The following PHF21A variants were observed in gnomAD, a reference collection of about 807,000 sequenced individuals.
PHF21A encodes PHD finger protein 21A.
In PHF21A, 11 loss-of-function variants were observed where a neutral mutation model predicts 82.5. That is an observed-to-expected ratio of 0.13 (90% confidence interval 0.08 to 0.22). The LOEUF is 0.22. Among genes scored for constraint, PHF21A ranks in the 10% least tolerant of loss-of-function variants. PHF21A has a pLI of 1.00. For synonymous variants in PHF21A, 297 were observed against 302.8 expected (o/e 0.98, Z 0.20); for missense variants, 579 against 837.8 (o/e 0.69, Z 3.81).
rs118115357 is a variant in PHF21A at position 45,938,457 on chromosome 11, T to C, written c.1453-145A>G. On this transcript the variant is annotated intron_variant, in intron 15 of 18. Transcript: ENST00000676320. ...ACTCAAGAGAAGCAGGAATCACCAA[T>C]AGCACATGCCCCTACTCACTCCACA... is the stretch of plus-strand genomic sequence containing the variant. The C allele has an allele frequency of 2.7e-3, 1,777 of 654,120 alleles. 52 individuals carry two copies. In the East Asian group the frequency reaches 0.043, roughly 16 times the overall value. The allele number at this position is 654,120 out of a possible 1,614,324, so 40.5% of individuals were successfully genotyped here.
At chr11:46,068,653 T>C (rs979081828) in intron 6 of PHF21A, among the ~76,000 whole-genome samples, 9 of 151,900 alleles carry the variant, frequency 5.9e-5, no homozygotes, top group East Asian at 1.9e-4. Context: ...AGCTAAGCAA[T>C]AGATGAGCAA....
chr11:46,117,488 A>G (rs1851655831), intron 1 of PHF21A, among the ~76,000 whole-genome samples: 1 of 152,226 alleles, frequency 6.6e-6, no homozygotes, highest in Admixed American at 6.5e-5. Context: ...TAAGTACATC[A>G]ACCATATGTA....
chr11:45,940,775 CTG>C (rs1262714670), intron 15 of PHF21A, among the ~76,000 whole-genome samples: 1 of 152,166 alleles, frequency 6.6e-6, no homozygotes, highest in Non-Finnish European at 1.5e-5. Context: ...ATTTTAGAGA[CTG>C]TTTTATGTGA....
intron 6 of PHF21A, among the ~76,000 whole-genome samples, chr11:46,001,532 T>A (rs574452495): frequency 3.3e-5 from 5 of 152,076 alleles, no homozygotes; most frequent in African/African-American, 1.2e-4. Context: ...GACCACCTAA[T>A]AACATAGGGA....
chr11:46,088,910 C>A (rs2096888741), intron 3 of PHF21A, among the ~76,000 whole-genome samples: 1 of 152,038 alleles, frequency 6.6e-6, no homozygotes. Context: ...ATTCTAATAA[C>A]TCGAAGGAAA....
chr11:46,028,326 T>TACTATAC (rs1565616308), intron 6 of PHF21A, among the ~76,000 whole-genome samples: 1 of 152,120 alleles, frequency 6.6e-6, no homozygotes, highest in Non-Finnish European at 1.5e-5. Flanking sequence ...AAAATAATAA[T>TACTATAC]ACTATACATC....
chr11:46,026,389 A>G (rs1159563482), intron 6 of PHF21A, among the ~76,000 whole-genome samples: 3 of 152,186 alleles, frequency 2.0e-5, no homozygotes, highest in African/African-American at 7.2e-5. Flanking sequence ...GACAATGAAT[A>G]GGACTTAGAA....
rs2087583953 is a variant in PHF21A at position 45,930,775 on chromosome 11, C to T, written c.*3193G>A. On this transcript the variant is annotated 3_prime_UTR_variant, in exon 19 of 19. Transcript: ENST00000676320. ...TGAAGTGACTACAAAGCCAGCTGGT[C>T]TCAAAAGTGGCTGTCAGAGCAGCTA... 6.6e-6 allele frequency: 1 copy of T among 152,300 alleles called. No individual in the cohort carries two copies. Among genetic ancestry groups the T allele is most frequent in the African/African-American group, 2.4e-5 (1 of 41,442 alleles). The allele number at this position is 152,300 out of a possible 1,614,324, so 9.4% of individuals were successfully genotyped here.
chr11:45,936,447 C>T (rs753664675), intron 17 of PHF21A, 47 bp downstream of exon 17: 8 of 1,129,192 alleles, frequency 7.1e-6, no homozygotes, highest in African/African-American at 3.2e-5. Context: ...GTATTTTTTT[C>T]AAACAAGGGG....
intron 10 of PHF21A, 123 bp from the exon 11 acceptor site, chr11:45,953,748 T>A: frequency 1.5e-6 from 1 of 654,942 alleles, no homozygotes; most frequent in Non-Finnish European, 2.7e-6. Context: ...TGGAACATAT[T>A]AATAAAAAGG....
At chr11:46,095,196 A>G (rs2096979018) in intron 1 of PHF21A, among the ~76,000 whole-genome samples, 1 of 151,868 alleles carries the variant, frequency 6.6e-6, no homozygotes, top group African/African-American at 2.4e-5. Flanking sequence ...GTCAAAAAAA[A>G]AGCAAATATT....
At chr11:46,061,113 A>T (rs1160538389) in intron 6 of PHF21A, among the ~76,000 whole-genome samples, 1 of 152,134 alleles carries the variant, frequency 6.6e-6, no homozygotes, top group East Asian at 1.9e-4. Context: ...AAGATCAGGT[A>T]GCTGTAGGTG....
At chr11:46,021,061 T>TAA (rs757651374) in intron 6 of PHF21A, among the ~76,000 whole-genome samples, 17 of 138,470 alleles carry the variant, frequency 1.2e-4, no homozygotes, top group South Asian at 6.9e-4. Flanking sequence ...ATAGATTCTT[T>TAA]AAAAAAAAAA....
chr11:45,957,948 T>C (rs1021241226), intron 10 of PHF21A, among the ~76,000 whole-genome samples: 1 of 151,736 alleles, frequency 6.6e-6, no homozygotes, highest in African/African-American at 2.4e-5. Flanking sequence ...GGACATTACA[T>C]CTCACAGAAT....
chr11:45,946,773 G>C (rs2091363444), intron 14 of PHF21A, among the ~76,000 whole-genome samples: 1 of 152,146 alleles, frequency 6.6e-6, no homozygotes, highest in Non-Finnish European at 1.5e-5. Flanking sequence ...CCCACAAACT[G>C]ATTTATTTAG....
intron 1 of PHF21A, among the ~76,000 whole-genome samples, chr11:46,096,937 A>G (rs1277520185): frequency 6.6e-6 from 1 of 152,120 alleles, no homozygotes; most frequent in African/African-American, 2.4e-5. Context: ...CCATCTCAGT[A>G]AATGGTAACT....
chr11:46,086,163 G>A (rs2096854551), intron 3 of PHF21A, among the ~76,000 whole-genome samples: 3 of 151,496 alleles, frequency 2.0e-5, no homozygotes, highest in Non-Finnish European at 4.4e-5. Flanking sequence ...CTGTCGCCCA[G>A]GCTGGAGTGC....
chr11:46,048,131 C>T (rs1451720372), intron 6 of PHF21A, among the ~76,000 whole-genome samples: 1 of 152,316 alleles, frequency 6.6e-6, no homozygotes, highest in East Asian at 1.9e-4. Flanking sequence ...CATTAGTAGT[C>T]ACTCCCCATT....
intron 6 of PHF21A, among the ~76,000 whole-genome samples, chr11:46,066,083 T>C (rs971882864): frequency 2.0e-5 from 3 of 152,206 alleles, no homozygotes; most frequent in African/African-American, 7.2e-5. Flanking sequence ...GAAAGGGATA[T>C]AGTCTCATAA....
Sources: gnomAD v4.1 joint callset for allele counts (sites outside exome capture counted in the v4.1 genomes callset) on GRCh38, gnomAD v4.1.1 for gene constraint, MANE v1.5 for transcripts, NCBI Gene and HGNC (gene_info 2026-07-23, HGNC 2026-07-21) for gene names.